The following VPS13B variants were observed in gnomAD, a reference collection of about 807,000 sequenced individuals.
VPS13B encodes vacuolar protein sorting 13 homolog B, also known as intermembrane lipid transfer protein VPS13B.
In VPS13B, 285 loss-of-function variants were observed where a neutral mutation model predicts 426.4. That is an observed-to-expected ratio of 0.67 (90% CI 0.61 to 0.74). The LOEUF (loss-of-function observed/expected upper bound fraction) is 0.74, where lower values mean the gene tolerates loss of function less well. Ranked by LOEUF, VPS13B falls within the 30% of genes least tolerant of loss-of-function variation. The pLI is 0.00. For missense variants in VPS13B, 4,537 were observed against 4,782.6 expected (o/e 0.95, Z 1.51); for synonymous variants, 1,676 against 1,676.4 (o/e 1.00, Z 0.01).
intron 25 of VPS13B, among the ~76,000 whole-genome samples, chr8:99,488,580 T>A (rs1368517508): frequency 6.6e-6 from 1 of 152,160 alleles, no homozygotes; most frequent in Non-Finnish European, 1.5e-5. Context: ...AACTTACAGT[T>A]GTATTTTCGA....
intron 15 of VPS13B, among the ~76,000 whole-genome samples, chr8:99,165,060 C>G (rs1811922207): frequency 6.6e-6 from 1 of 151,992 alleles, no homozygotes; most frequent in Non-Finnish European, 1.5e-5. Context: ...TGAAAGATTC[C>G]TTTTATTTGT....
chr8:99,867,251 G>GAA (rs140409321), intron 58 of VPS13B, among the ~76,000 whole-genome samples: 4,888 of 150,640 alleles, frequency 0.032, 234 homozygotes, highest in African/African-American at 0.11. Flanking sequence ...ACTCCATCAC[G>GAA]AAAAAAAAAT....
chr8:99,411,098 C>T (rs1815630788), intron 21 of VPS13B, among the ~76,000 whole-genome samples: 2 of 152,172 alleles, frequency 1.3e-5, no homozygotes, highest in Non-Finnish European at 2.9e-5. Context: ...ATTGCTGGAT[C>T]AAATGGTATT....
At chr8:99,312,546 T>C (rs187692126) in intron 19 of VPS13B, among the ~76,000 whole-genome samples, 232 of 152,372 alleles carry the variant, frequency 1.5e-3, no homozygotes, top group African/African-American at 5.1e-3. Flanking sequence ...CAGCTGTTGG[T>C]CCGATGGGCT....
intron 29 of VPS13B, among the ~76,000 whole-genome samples, chr8:99,512,053 A>G (rs1821816780): frequency 1.3e-5 from 2 of 152,244 alleles, no homozygotes; most frequent in Admixed American, 1.3e-4. Context: ...GTAATAAAAT[A>G]TTTGTATACG....
intron 19 of VPS13B, among the ~76,000 whole-genome samples, chr8:99,370,755 G>A (rs138053721): frequency 0.024 from 3,643 of 151,800 alleles, 141 homozygotes; most frequent in African/African-American, 0.082. Context: ...GACTACAGGC[G>A]TGTACCACCA....
At chr8:99,228,119 C>G (rs1048775687) in intron 17 of VPS13B, among the ~76,000 whole-genome samples, 11 of 152,106 alleles carry the variant, frequency 7.2e-5, no homozygotes, top group African/African-American at 2.7e-4. Flanking sequence ...CCCATTTTAA[C>G]ATACTGAATT....
intron 21 of VPS13B, among the ~76,000 whole-genome samples, chr8:99,419,962 A>G (rs1563719945): frequency 6.6e-6 from 1 of 152,194 alleles, no homozygotes; most frequent in Non-Finnish European, 1.5e-5. Context: ...AATAAAGTCC[A>G]TAAACATAAG....
At chr8:99,871,948 G>A (rs1055651775) in intron 61 of VPS13B, among the ~76,000 whole-genome samples, 1 of 152,222 alleles carries the variant, frequency 6.6e-6, no homozygotes, top group African/African-American at 2.4e-5. Flanking sequence ...CAGGACTCAA[G>A]GTCTAAAGCT....
intron 5 of VPS13B, among the ~76,000 whole-genome samples, chr8:99,106,146 A>G (rs1267336339): frequency 1.3e-5 from 2 of 152,032 alleles, no homozygotes; most frequent in Non-Finnish European, 2.9e-5. Flanking sequence ...AAAAACACAT[A>G]GCTGGCCGGG....
At chr8:99,667,569 C>T (rs1830538567) in intron 35 of VPS13B, among the ~76,000 whole-genome samples, 1 of 152,136 alleles carries the variant, frequency 6.6e-6, no homozygotes, top group Non-Finnish European at 1.5e-5. Flanking sequence ...TTCTAAAACA[C>T]TAACCTAACA....
intron 39 of VPS13B, among the ~76,000 whole-genome samples, chr8:99,725,246 G>C (rs1833292902): frequency 6.6e-6 from 1 of 152,164 alleles, no homozygotes; most frequent in Admixed American, 6.5e-5. Context: ...TAAAGGAAGA[G>C]GTTGTATCTA....
At chr8:99,601,158 C>A (rs942948103) in intron 33 of VPS13B, among the ~76,000 whole-genome samples, 1 of 151,722 alleles carries the variant, frequency 6.6e-6, no homozygotes, top group Admixed American at 6.5e-5. Context: ...TAGCCCCTGA[C>A]CCCCCAACAG....
intron 29 of VPS13B, 85 bp downstream of exon 29, chr8:99,511,597 A>C (rs1821793604): frequency 7.3e-7 from 1 of 1,377,456 alleles, no homozygotes; most frequent in South Asian, 1.3e-5. Flanking sequence ...GTTTCTTTTA[A>C]AAAATATGAG....
At chr8:99,689,109 A>C (rs1177312475) in intron 35 of VPS13B, among the ~76,000 whole-genome samples, 2 of 152,034 alleles carry the variant, frequency 1.3e-5, no homozygotes, top group East Asian at 3.8e-4. Flanking sequence ...AAAGAGGGGA[A>C]CAAGAACAAT....
At chr8:99,131,226 C>T (rs1408812551) in intron 8 of VPS13B, among the ~76,000 whole-genome samples, 1 of 152,098 alleles carries the variant, frequency 6.6e-6, no homozygotes, top group Non-Finnish European at 1.5e-5. Context: ...GTTATGTTAT[C>T]ACAGTATATT....
At chr8:99,167,372 A>T (rs911639323) in intron 15 of VPS13B, among the ~76,000 whole-genome samples, 1 of 152,082 alleles carries the variant, frequency 6.6e-6, no homozygotes, top group Non-Finnish European at 1.5e-5. Flanking sequence ...ACAAATCTTT[A>T]TGATGCTGAT....
At chr8:99,128,857 T>TA (rs1809591615) in intron 8 of VPS13B, among the ~76,000 whole-genome samples, 1 of 152,068 alleles carries the variant, frequency 6.6e-6, no homozygotes, top group Non-Finnish European at 1.5e-5. Flanking sequence ...TACTTTAAGA[T>TA]AGCTGGACTC....
At chr8:99,237,167 C>T (rs1057424710) in intron 17 of VPS13B, among the ~76,000 whole-genome samples, 1 of 152,178 alleles carries the variant, frequency 6.6e-6, no homozygotes, top group South Asian at 2.1e-4. Flanking sequence ...TCCAATTAAA[C>T]CTCTTTCTGT....
Sources: gnomAD v4.1 joint callset for allele counts (sites outside exome capture counted in the v4.1 genomes callset) on GRCh38, gnomAD v4.1.1 for gene constraint, MANE v1.5 for transcripts, NCBI Gene and HGNC (gene_info 2026-07-23, HGNC 2026-07-21) for gene names.